SNTG1: variants seen among roughly 807,000 people sequenced by gnomAD.
SNTG1 encodes gamma-1-syntrophin.
SNTG1 carries 39 observed loss-of-function variants against 74.7 expected under a neutral mutation model. That is an observed-to-expected ratio of 0.52 (90% CI 0.40 to 0.68). The LOEUF is 0.68. Ranked by LOEUF, SNTG1 falls within the 30% of genes least tolerant of loss-of-function variation. The pLI is 0.00. For missense variants in SNTG1, 685 were observed against 609.5 expected (o/e 1.12, Z -1.30); for synonymous variants, 254 against 217.1 (o/e 1.17, Z -1.49).
chr8:50,787,311 A>G (rs1487657788), intron 18 of SNTG1, among the ~76,000 whole-genome samples: 2 of 151,944 alleles, frequency 1.3e-5, no homozygotes, highest in Non-Finnish European at 2.9e-5. Context: ...TAGGATGGTT[A>G]TAATATTTTT....
At chr8:50,370,724 T>C (rs1378261568) in intron 2 of SNTG1, among the ~76,000 whole-genome samples, 1 of 152,022 alleles carries the variant, frequency 6.6e-6, no homozygotes, top group East Asian at 1.9e-4. Context: ...GACCTATAAC[T>C]AGACCCAAGT....
chr8:49,954,902 T>C (rs1039462873), intron 1 of SNTG1, among the ~76,000 whole-genome samples: 5 of 152,210 alleles, frequency 3.3e-5, no homozygotes, highest in African/African-American at 1.2e-4. Context: ...CAATATATGC[T>C]AAATGTTTAT....
At chr8:50,259,498 C>CAAAAAAAAAAA (rs1187091123) in intron 2 of SNTG1, among the ~76,000 whole-genome samples, 1 of 18,394 alleles carries the variant, frequency 5.4e-5, no homozygotes, top group African/African-American at 1.6e-4. Context: ...GACGCTGTCT[C>CAAAAAAAAAAA]AAAAAAAAAA....
At chr8:50,257,021 C>A (rs574528996) in intron 2 of SNTG1, among the ~76,000 whole-genome samples, 3 of 152,138 alleles carry the variant, frequency 2.0e-5, no homozygotes, top group Admixed American at 2.0e-4. Context: ...CCCCTGCTCC[C>A]CTCTTAGGAG....
chr8:50,757,402 GGATAATTTATTTACCGTTGCTTAA>G (rs1469839751), intron 18 of SNTG1, among the ~76,000 whole-genome samples: 2 of 151,704 alleles, frequency 1.3e-5, no homozygotes, highest in South Asian at 4.2e-4. Flanking sequence ...CGTCTTTTTT[GGATAATTTATTTACCGTTGCTTAA>G]TGTCCCTCTT....
At chr8:50,317,924 C>T (rs1288021592) in intron 2 of SNTG1, among the ~76,000 whole-genome samples, 1 of 152,144 alleles carries the variant, frequency 6.6e-6, no homozygotes, top group African/African-American at 2.4e-5. Flanking sequence ...GCAAGCTCCG[C>T]CTCCCGGGTT....
At chr8:50,418,828 T>C (rs1364890245) in intron 4 of SNTG1, among the ~76,000 whole-genome samples, 1 of 152,160 alleles carries the variant, frequency 6.6e-6, no homozygotes, top group African/African-American at 2.4e-5. Flanking sequence ...GCAGAATCCC[T>C]GGAATCTCTC....
At chr8:50,727,333 A>G (rs1037111740) in intron 17 of SNTG1, among the ~76,000 whole-genome samples, 6 of 152,178 alleles carry the variant, frequency 3.9e-5, no homozygotes, top group African/African-American at 1.4e-4. Context: ...AAATATATCA[A>G]TTTTAATCTC....
intron 1 of SNTG1, among the ~76,000 whole-genome samples, chr8:50,074,439 C>A (rs1285105918): frequency 6.6e-6 from 1 of 152,216 alleles, no homozygotes; most frequent in East Asian, 1.9e-4. Flanking sequence ...GAGTTACTAA[C>A]TTACCTAATT....
intron 2 of SNTG1, among the ~76,000 whole-genome samples, chr8:50,364,841 T>G (rs996893358): frequency 1.3e-5 from 2 of 152,120 alleles, no homozygotes; most frequent in African/African-American, 4.8e-5. Flanking sequence ...TTTGACTTCT[T>G]ACAAATCACA....
At chr8:50,462,794 CTCTTTTTTTTTT>C (rs1191822196) in intron 8 of SNTG1, among the ~76,000 whole-genome samples, 2,049 of 43,542 alleles carry the variant, frequency 0.047, 387 homozygotes, top group South Asian at 0.17. Context: ...TCAGGTTCTA[CTCTTTTTTTTTT>C]TTTTTTTTTT....
chr8:50,553,563 C>T (rs2094439255), intron 12 of SNTG1, among the ~76,000 whole-genome samples: 1 of 152,048 alleles, frequency 6.6e-6, no homozygotes, highest in Non-Finnish European at 1.5e-5. Context: ...GAGTAGTAGG[C>T]TAGGAGGAAA....
intron 10 of SNTG1, among the ~76,000 whole-genome samples, chr8:50,530,976 C>CA (rs1288532739): frequency 6.6e-6 from 1 of 152,130 alleles, no homozygotes; most frequent in Non-Finnish European, 1.5e-5. Context: ...TAAAGAGAAG[C>CA]AGAGGTGACG....
chr8:50,259,953 G>C (rs553957635), intron 2 of SNTG1, among the ~76,000 whole-genome samples: 1 of 152,138 alleles, frequency 6.6e-6, no homozygotes, highest in African/African-American at 2.4e-5. Context: ...GTTCCAAGGA[G>C]TACCTGTCTT....
At chr8:50,033,766 A>T (rs1346436001) in intron 1 of SNTG1, among the ~76,000 whole-genome samples, 1 of 151,936 alleles carries the variant, frequency 6.6e-6, no homozygotes, top group African/African-American at 2.4e-5. Context: ...CCTCATTTTA[A>T]CTCCATCACC....
At chr8:49,912,287 G>T (rs970988312) in intron 1 of SNTG1, 56 bp downstream of exon 1, 13 of 152,174 alleles carry the variant, frequency 8.5e-5, no homozygotes, top group African/African-American at 2.4e-4. Context: ...TTGTCTTATG[G>T]TTTAACAGAA....
chr8:50,466,135 GT>G (rs779339389), intron 8 of SNTG1, among the ~76,000 whole-genome samples: 2 of 151,974 alleles, frequency 1.3e-5, no homozygotes, highest in Non-Finnish European at 2.9e-5. Flanking sequence ...CAAGCTCAAG[GT>G]TATTTTATAC....
intron 17 of SNTG1, among the ~76,000 whole-genome samples, chr8:50,736,465 C>A (rs141345897): frequency 2.9e-3 from 434 of 152,146 alleles, no homozygotes; most frequent in Non-Finnish European, 4.7e-3. Context: ...TAGACTCCCA[C>A]ACAGTAAGAG....
intron 1 of SNTG1, among the ~76,000 whole-genome samples, chr8:50,026,359 T>A (rs1255826969): frequency 6.6e-6 from 1 of 152,192 alleles, no homozygotes; most frequent in East Asian, 1.9e-4. Context: ...ACTAGTTAAG[T>A]GAATGTGCAC....
Sources: allele counts gnomAD v4.1 joint callset (sites outside exome capture counted in the v4.1 genomes callset), GRCh38; gene constraint gnomAD v4.1.1; transcripts MANE v1.5; gene names NCBI Gene and HGNC (gene_info 2026-07-23, HGNC 2026-07-21).